Variants in DNAH11 observed in about 807,000 individuals in gnomAD.
DNAH11 encodes the protein dynein axonemal heavy chain 11.
A neutral mutation model predicts 526.0 loss-of-function variants in DNAH11; 442 were observed. That is an observed-to-expected ratio of 0.84 (90% CI 0.78 to 0.91). The LOEUF (loss-of-function observed/expected upper bound fraction) is 0.91. Among genes scored for constraint, DNAH11 ranks in the 40% least tolerant of loss-of-function variants. DNAH11 has a pLI of 0.00. For missense variants in DNAH11, 6,989 were observed against 5,448.7 expected (o/e 1.28, Z -8.90); for synonymous variants, 2,461 against 1,935.9 (o/e 1.27, Z -7.12).
At chr7:21,607,519 A>G (rs938232908) in intron 20 of DNAH11, among the ~76,000 whole-genome samples, 8 of 152,140 alleles carry the variant, frequency 5.3e-5, no homozygotes, top group East Asian at 1.9e-4. Flanking sequence ...AACTACTACT[A>G]TTTTTTGAGT....
chr7:21,879,105 G>A (rs970486921), intron 74 of DNAH11, among the ~76,000 whole-genome samples: 4 of 152,082 alleles, frequency 2.6e-5, no homozygotes, highest in South Asian at 2.1e-4. Flanking sequence ...GGCCATAACC[G>A]TATCCATGTA....
In DNAH11 at chr7:21,670,990, T is replaced by C. The variant is rs1370445664; in HGVS notation, c.5329-10556T>C. On this transcript the variant is annotated intron_variant, in intron 30 of 81. Transcript: ENST00000409508. Reference sequence around the variant, plus strand: ...TCTGTAATTTTCTTTTTCTATGATATCTTTGCCAGATTTTGAAATCAGGGT... The same window carrying C: ...TCTGTAATTTTCTTTTTCTATGATACCTTTGCCAGATTTTGAAATCAGGGT... Among the ~76,000 whole-genome samples the C allele has an allele frequency of 2.0e-5, 3 of 152,152 alleles. No individual in the cohort carries two copies. The East Asian group carries it at 5.8e-4, about 29-fold the overall frequency.
rs530418111 is a variant in DNAH11, at chr7:21,789,360, C to G, written c.10026+18C>G. 63 of 1,539,804 alleles carry G rather than the reference C, an allele frequency of 4.1e-5. No individual in the cohort carries two copies. Among genetic ancestry groups the G allele is most frequent in the South Asian group, 3.5e-4 (29 of 82,574 alleles). On this transcript the variant is annotated intron_variant, in intron 61 of 81. Coordinates refer to ENST00000409508, the MANE Select transcript of DNAH11 (RefSeq NM_001277115.2). ...AGCTTGTGGTGAGTGCAAACTATGA[C>G]ATTGAAAAGGTTCCCAAGAGGTGGT...
At chr7:21,796,940 G>A (rs906363171) in intron 61 of DNAH11, among the ~76,000 whole-genome samples, 2 of 152,028 alleles carry the variant, frequency 1.3e-5, no homozygotes, top group African/African-American at 4.8e-5. Flanking sequence ...TAACTTGAGA[G>A]AATAAAGTTT....
chr7:21,776,935 CGT>C (rs3061429), intron 56 of DNAH11, among the ~76,000 whole-genome samples: 59,820 of 149,560 alleles, frequency 0.4, 12,122 homozygotes, highest in Admixed American at 0.48. Flanking sequence ...TTTATTTGTA[CGT>C]GTGTGTGTGT....
At chr7:21,663,867 CATAATGCTGA>C (rs942303192) in intron 30 of DNAH11, among the ~76,000 whole-genome samples, 11 of 151,578 alleles carry the variant, frequency 7.3e-5, no homozygotes, top group Non-Finnish European at 1.6e-4. Context: ...AGTGATTCTT[CATAATGCTGA>C]ATAATGCTGA....
At position 21,615,182 on chromosome 7, in the gene DNAH11, A is replaced by G. The variant is rs778149362; in HGVS notation, c.3921A>G (p.Glu1307=). The part of the protein sequence containing the change: ...LQMQESTRLF[E]VALPEYKQMK... ...TGCAAGAATCTACTCGTCTTTTTGA[A>G]GTGGCTCTTCCAGAGTACAAACAAA... The change falls in exon 21 of 82, where the codon GAA becomes GAG. Residue 1307 remains glutamate (E), a synonymous_variant. Coordinates refer to ENST00000409508, the MANE Select transcript of DNAH11 (RefSeq NM_001277115.2). 4 of 1,613,284 alleles carry G rather than the reference A, an allele frequency of 2.5e-6. No individual in the cohort carries two copies. The highest frequency in any genetic ancestry group is 3.4e-6 in the Non-Finnish European group (4 of 1,179,530).
intron 40 of DNAH11, among the ~76,000 whole-genome samples, chr7:21,709,852 C>G (rs1013597190): frequency 1.3e-5 from 2 of 152,060 alleles, no homozygotes; most frequent in African/African-American, 4.8e-5. Context: ...ACTTTTGGCA[C>G]AAAATACTTC....
chr7:21,776,136 G>A (rs550857538), intron 56 of DNAH11, among the ~76,000 whole-genome samples: 16 of 152,276 alleles, frequency 1.1e-4, no homozygotes, highest in African/African-American at 3.9e-4. Flanking sequence ...CGGGAGGGCC[G>A]ATTCACTATG....
chr7:21,753,661 T>G (rs1310797969), intron 54 of DNAH11, among the ~76,000 whole-genome samples: 2 of 152,316 alleles, frequency 1.3e-5, no homozygotes, highest in African/African-American at 4.8e-5. Flanking sequence ...GTTTCTAAAT[T>G]CTCTGTTCTC....
intron 66 of DNAH11, chr7:21,851,457 C>G (rs1285568903): frequency 4.5e-6 from 2 of 442,410 alleles, no homozygotes; most frequent in African/African-American, 4.1e-5. Flanking sequence ...ATATTAGGCA[C>G]TGGCCAAGTA....
intron 54 of DNAH11, among the ~76,000 whole-genome samples, chr7:21,762,186 G>A (rs538169064): frequency 6.6e-6 from 1 of 152,266 alleles, no homozygotes; most frequent in South Asian, 2.1e-4. Context: ...AACTCGAGAT[G>A]AGATTTGGGT....
At chr7:21,609,809 G>C (rs547079501) in intron 20 of DNAH11, among the ~76,000 whole-genome samples, 48 of 152,296 alleles carry the variant, frequency 3.2e-4, no homozygotes, top group Admixed American at 5.9e-4. Context: ...CAGAAGTCTA[G>C]AACTATGAGA....
At chr7:21,684,666 A>G (rs950532255) in intron 32 of DNAH11, among the ~76,000 whole-genome samples, 1 of 152,238 alleles carries the variant, frequency 6.6e-6, no homozygotes, top group African/African-American at 2.4e-5. Context: ...GTGGGAAGAC[A>G]CTTGGCCAGT....
chr7:21,857,046 G>T (rs1452952976), intron 68 of DNAH11, among the ~76,000 whole-genome samples: 1 of 152,068 alleles, frequency 6.6e-6, no homozygotes, highest in Non-Finnish European at 1.5e-5. Context: ...TTTCACAGAT[G>T]ACCTGATTAT....
chr7:21,590,763 G>A (rs1399296751), intron 12 of DNAH11, among the ~76,000 whole-genome samples, 155 bp from the exon 13 acceptor site: 1 of 151,892 alleles, frequency 6.6e-6, no homozygotes, highest in Non-Finnish European at 1.5e-5. Flanking sequence ...TATGATTTTT[G>A]TTTTTAAAAA....
At chr7:21,782,531 T>C (rs1787992435) in intron 57 of DNAH11, among the ~76,000 whole-genome samples, 2 of 152,238 alleles carry the variant, frequency 1.3e-5, no homozygotes, top group South Asian at 2.1e-4. Context: ...TGTTCAAGAT[T>C]GTTTTGTTTA....
intron 76 of DNAH11, 146 bp from the exon 77 acceptor site, chr7:21,892,278 TG>T (rs1784352388): frequency 1.8e-6 from 2 of 1,138,414 alleles, no homozygotes; most frequent in African/African-American, 1.6e-5. Context: ...AGAGCAAAAT[TG>T]TTGATTATAA....
At chr7:21,871,400 G>C (rs1294413035) in intron 73 of DNAH11, among the ~76,000 whole-genome samples, 1 of 152,216 alleles carries the variant, frequency 6.6e-6, no homozygotes, top group African/African-American at 2.4e-5. Flanking sequence ...GTACCCTCAA[G>C]AATAGCTGCC....
Sources: allele counts gnomAD v4.1 joint callset (sites outside exome capture counted in the v4.1 genomes callset), GRCh38; gene constraint gnomAD v4.1.1; transcripts MANE v1.5; gene names NCBI Gene and HGNC (gene_info 2026-07-23, HGNC 2026-07-21).